Variants in GSE1 observed in about 807,000 individuals in gnomAD.
The protein encoded by GSE1 is Gse1 coiled-coil protein, also known as genetic suppressor element 1.
A neutral mutation model predicts 112.6 loss-of-function variants in GSE1; 32 were observed. That is an observed-to-expected ratio of 0.28 (90% CI 0.21 to 0.38). The LOEUF (loss-of-function observed/expected upper bound fraction) is 0.38. GSE1 is among the 10% of genes least tolerant of loss of function. The pLI is 1.00. For synonymous variants in GSE1, 1,115 were observed against 735.6 expected, an observed-to-expected ratio of 1.52 and a Z score of -8.35; for missense variants, 2,348 against 1,699.2, an observed-to-expected ratio of 1.38 and a Z score of -6.71.
chr16:85,662,935 A>G (rs755704797), intron 9 of GSE1, 46 bp from the exon 10 acceptor site: 21 of 1,320,746 alleles, frequency 1.6e-5, no homozygotes, highest in African/African-American at 5.8e-5. Flanking sequence ...TCCACTGGAC[A>G]GATGAAGGCT....
chr16:85,418,188 G>T (rs566320077), intron 2 of GSE1, among the ~76,000 whole-genome samples: 4 of 152,376 alleles, frequency 2.6e-5, no homozygotes, highest in Admixed American at 1.3e-4. Flanking sequence ...CACATTGCGA[G>T]TCACCATGCC....
At chr16:85,354,627 G>A (rs2046913964) in intron 1 of GSE1, among the ~76,000 whole-genome samples, 1 of 152,226 alleles carries the variant, frequency 6.6e-6, no homozygotes, top group African/African-American at 2.4e-5. Context: ...GTGGACAGGG[G>A]TCGAGACTGG....
intron 1 of GSE1, among the ~76,000 whole-genome samples, chr16:85,587,264 G>A (rs543492821): frequency 3.9e-5 from 6 of 152,126 alleles, no homozygotes; most frequent in African/African-American, 9.7e-5. Context: ...AGGGGGAAAC[G>A]GCGATGTGGA....
chr16:85,554,776 G>C (rs560706990), upstream of GSE1: 105 of 606,828 alleles, frequency 1.7e-4, 1 homozygote, highest in African/African-American at 9.0e-4. Flanking sequence ...TGTCAGTCGT[G>C]GGGGGGGAGG....
At chr16:85,338,817 C>T (rs978251442) in intron 1 of GSE1, among the ~76,000 whole-genome samples, 4 of 151,992 alleles carry the variant, frequency 2.6e-5, no homozygotes, top group Admixed American at 6.6e-5. Context: ...CCGCAGTAAC[C>T]GAGTCAGTGC....
chr16:85,316,776 G>A (rs1262751655), intron 1 of GSE1, among the ~76,000 whole-genome samples: 2 of 152,220 alleles, frequency 1.3e-5, no homozygotes, highest in African/African-American at 2.4e-5. Flanking sequence ...TTTCCTGTGT[G>A]TCTTGGGAGC....
intron 2 of GSE1, among the ~76,000 whole-genome samples, chr16:85,390,205 GCA>G (rs1389978786): frequency 2.0e-5 from 3 of 152,170 alleles, no homozygotes; most frequent in African/African-American, 7.2e-5. Context: ...ACAGTCGCTG[GCA>G]CACAGTAGGT....
chr16:85,260,525 G>T (rs1907578054), intron 1 of GSE1, among the ~76,000 whole-genome samples: 1 of 152,008 alleles, frequency 6.6e-6, no homozygotes. Flanking sequence ...GCTTCACTAT[G>T]TTGGCCAGGC....
rs547924356 is a variant in GSE1 at position 85,294,677 on chromosome 16, C to T, written c.2284-62786C>T. Among the ~76,000 whole-genome samples the T allele has an allele frequency of 1.6e-3, 230 of 143,438 alleles. 1 individual carries two copies. Among genetic ancestry groups the T allele is most frequent in the African/African-American group, 5.6e-3 (209 of 37,524 alleles). 94.1% of individuals were successfully genotyped at this position (143,438 alleles called of 152,430 possible). A position where few individuals can be genotyped will look rare whatever the true frequency, so the allele number is the denominator to read the frequency against. ...TCTCTCTGTCTCTCTCTCTCCCCCCCCTTCCCTCCCTCCCCACCCCCCACC... is the reference window on the plus strand; with the variant it reads ...TCTCTCTGTCTCTCTCTCTCCCCCCTCTTCCCTCCCTCCCCACCCCCCACC... On this transcript the variant is annotated intron_variant, in intron 1 of 2. Transcript: ENST00000637419.
Position 85,371,319 on chromosome 16 carries a change from G to A in GSE1, c.2464+13676G>A, listed in dbSNP as rs866479944. On this transcript the variant is annotated intron_variant, in intron 2 of 2. Coordinates refer to the GSE1 transcript ENST00000637419. Reference sequence around the variant, plus strand: ...TGGCCCCACGCAGCGCCATGGAGGAGCCAGGGAGTGGGTCTTGGGACAGTG... The same window carrying A: ...TGGCCCCACGCAGCGCCATGGAGGAACCAGGGAGTGGGTCTTGGGACAGTG... 7.2e-5 allele frequency among the ~76,000 whole-genome samples: 11 copies of A among 152,354 alleles called. 1 individual carries two copies. In the Middle Eastern group the frequency reaches 0.017, roughly 236 times the overall value.
intron 2 of GSE1, among the ~76,000 whole-genome samples, chr16:85,500,258 T>G (rs549471912): frequency 1.6e-4 from 24 of 152,362 alleles, no homozygotes; most frequent in African/African-American, 5.8e-4. Flanking sequence ...AATGGGAACG[T>G]GTTTTGTAGT....
intron 2 of GSE1, among the ~76,000 whole-genome samples, chr16:85,408,541 TACACTCAGG>T (rs2048382839): frequency 4.9e-5 from 2 of 41,178 alleles, no homozygotes; most frequent in Non-Finnish European, 1.0e-4. Context: ...TCCTCACTGT[TACACTCAGG>T]GCCCCCCGGA....
chr16:85,544,760 G>A (rs1193517211), intron 2 of GSE1, among the ~76,000 whole-genome samples: 1 of 152,208 alleles, frequency 6.6e-6, no homozygotes, highest in African/African-American at 2.4e-5. Context: ...CCCCAGCAGC[G>A]GACAGTGGGA....
At chr16:85,580,401 C>G (rs73269279) in intron 1 of GSE1, among the ~76,000 whole-genome samples, 16,936 of 152,144 alleles carry the variant, frequency 0.11, 3,016 homozygotes, top group African/African-American at 0.38. Context: ...TGAAGGCTGG[C>G]CAGCATCCGA....
intron 1 of GSE1, among the ~76,000 whole-genome samples, chr16:85,222,119 C>T (rs574118230): frequency 7.9e-5 from 12 of 152,228 alleles, no homozygotes; most frequent in East Asian, 5.8e-4. Flanking sequence ...ATCTATTCCA[C>T]GAGAGGATGG....
chr16:85,268,945 G>T (rs1052928467), intron 1 of GSE1, among the ~76,000 whole-genome samples: 3 of 126,234 alleles, frequency 2.4e-5, no homozygotes, highest in Non-Finnish European at 5.9e-5. Context: ...CTTCTAACAG[G>T]TTCTGATTTT....
chr16:85,298,977 GGC>G (rs1292667719), intron 1 of GSE1, among the ~76,000 whole-genome samples: 1 of 152,186 alleles, frequency 6.6e-6, no homozygotes, highest in Non-Finnish European at 1.5e-5. Context: ...TAGGCACACG[GGC>G]CAGCCTGCCT....
chr16:85,565,394 C>CA (rs36033236), intron 1 of GSE1, among the ~76,000 whole-genome samples: 10,571 of 119,160 alleles, frequency 0.089, 473 homozygotes, highest in Middle Eastern at 0.17. Context: ...GACTCTGTCT[C>CA]AAAAAAAAAA....
chr16:85,413,683 G>A (rs1303760963), intron 2 of GSE1, among the ~76,000 whole-genome samples: 2 of 152,152 alleles, frequency 1.3e-5, no homozygotes, highest in Non-Finnish European at 2.9e-5. Context: ...AATTCAAAAA[G>A]GGGGTGAGGA....
Sources: allele counts gnomAD v4.1 joint callset (sites outside exome capture counted in the v4.1 genomes callset), GRCh38; gene constraint gnomAD v4.1.1; transcripts MANE v1.5; gene names NCBI Gene and HGNC (gene_info 2026-07-23, HGNC 2026-07-21).